Variants in FBXO3 observed in about 807,000 individuals in gnomAD.
FBXO3 encodes F-box only protein 3.
Under a neutral mutation model 64.8 loss-of-function variants are expected in FBXO3, and 17 were observed. The ratio of observed to expected loss-of-function variants is 0.26; its 90% CI spans 0.18 to 0.39. The LOEUF (loss-of-function observed/expected upper bound fraction) is 0.39. FBXO3 is among the 10% of genes least tolerant of loss of function. The pLI is 1.00. For missense variants in FBXO3, 420 were observed against 589.9 expected (o/e 0.71, Z 2.98); for synonymous variants, 182 against 201.6 (o/e 0.90, Z 0.82).
intron 6 of FBXO3, chr11:33,754,043 T>C (rs180961459): frequency 4.0e-4 from 62 of 155,140 alleles, no homozygotes; most frequent in African/African-American, 1.4e-3. Context: ...AGGTCTCTAA[T>C]GTGACTTAGT....
At chr11:33,762,530 C>A (rs918815777) in intron 3 of FBXO3, among the ~76,000 whole-genome samples, 1 of 151,884 alleles carries the variant, frequency 6.6e-6, no homozygotes, top group Non-Finnish European at 1.5e-5. Context: ...TTAAGTAATA[C>A]ACTTCTATAT....
intron 3 of FBXO3, 95 bp downstream of exon 3, chr11:33,768,756 A>G (rs1157866541): frequency 4.9e-6 from 7 of 1,437,382 alleles, no homozygotes; most frequent in Non-Finnish European, 6.9e-6. Context: ...GGGTTAACAC[A>G]GTTGCGTAGA....
At position 33,757,203 on chromosome 11, in the gene FBXO3, G is replaced by A. The variant is rs565864815; in HGVS notation, c.474-1228C>T. Among the ~76,000 whole-genome samples, 124 of 152,136 alleles carry A rather than the reference G, an allele frequency of 8.2e-4. 1 individual carries two copies. Among genetic ancestry groups the A allele is most frequent in the Non-Finnish European group, 1.5e-3 (100 of 68,014 alleles). On this transcript the variant is annotated intron_variant, in intron 4 of 10. Coordinates refer to ENST00000265651, the MANE Select transcript of FBXO3 (RefSeq NM_012175.4). The stretch of plus-strand genomic sequence containing the variant: ...CAAAGTTCTCCTTAAATTCTTATTA[G>A]CATTTCACAAGCACAATGTCTCTGA...
rs926507977 is a variant in FBXO3, at chr11:33,748,722, G to A, written c.1048+55C>T. The A allele has an allele frequency of 1.3e-5, 15 of 1,123,800 alleles. No homozygotes were observed. The African/African-American group carries it at 2.3e-4, about 17-fold the overall frequency. The allele number at this position is 1,123,800 out of a possible 1,614,324, so 69.6% of individuals were successfully genotyped here. Reference sequence around the variant, plus strand: ...TTATATGTTATATTTAGGATGCAAAGTCTAACATTTCTTCTAAGGAATTAA... The same window carrying A: ...TTATATGTTATATTTAGGATGCAAAATCTAACATTTCTTCTAAGGAATTAA... On this transcript the variant is annotated intron_variant, in intron 9 of 10. Transcript: ENST00000265651.
rs772593209 is a variant in FBXO3 at position 33,750,630 on chromosome 11, T to C, written c.841A>G (p.Thr281Ala). ...GAAACTGACACAGTAATATCCCCAG[T>C]TGTTGCTACACATTCTGGATCGTGA... ...YVHDPECVAT[T>A]GDITVSVSTS... The change falls in exon 8 of 11, where the codon ACT becomes GCT. Residue 281 changes from threonine to alanine, a missense_variant. Physicochemically the swap from Thr to Ala is moderately conservative, Grantham distance 58 (BLOSUM62 0). Transcript: ENST00000265651. The C allele has an allele frequency of 5.6e-6, 9 of 1,613,536 alleles. No individual in the cohort carries two copies. Among genetic ancestry groups the C allele is most frequent in the Admixed American group, 1.7e-5 (1 of 59,980 alleles).
chr11:33,768,990 C>T lies in FBXO3; in HGVS notation c.219G>A (p.Gln73=). The T allele has an allele frequency of 6.2e-7, 1 of 1,611,900 alleles. No homozygotes were observed. Among genetic ancestry groups the T allele is most frequent in the South Asian group, 1.1e-5 (1 of 90,506 alleles). The part of the protein sequence containing the change: ...ISEEEKTQKN[Q]CWKSLFIDTY... The stretch of plus-strand genomic sequence containing the variant: ...TATCTATGAAGAGAGATTTCCAACA[C>T]TGATTCTTCTGTGTTTTCTCTTCCC... Residue 73 remains glutamine, a synonymous_variant, in exon 3 of 11, where the codon CAG becomes CAA. Transcript: ENST00000265651.
At chr11:33,769,265 A>G (rs1320877925) in intron 2 of FBXO3, among the ~76,000 whole-genome samples, 2 of 152,098 alleles carry the variant, frequency 1.3e-5, no homozygotes, top group Admixed American at 6.5e-5. Context: ...CAGTTTTCTA[A>G]TCTTTAATAA....
At chr11:33,774,189 G>A in intron 1 of FBXO3, 1 of 541,834 alleles carries the variant, frequency 1.8e-6, no homozygotes. Context: ...CTGGGCCCAG[G>A]ACAGGAGGAA....
chr11:33,742,922 T>C (rs1432365113), intron 10 of FBXO3: 2 of 152,256 alleles, frequency 1.3e-5, no homozygotes, highest in Non-Finnish European at 2.9e-5. Context: ...AGTCCGATGG[T>C]AGCTGGAACT....
chr11:33,772,968 C>T (rs954842190), intron 1 of FBXO3: 4 of 146,794 alleles, frequency 2.7e-5, no homozygotes, highest in Non-Finnish European at 4.5e-5. Context: ...GCATTCCAGG[C>T]AAGGTCGAGA....
At chr11:33,750,826 A>ATT (rs1292580394) in intron 7 of FBXO3, among the ~76,000 whole-genome samples, 165 bp from the exon 8 acceptor site, 2 of 152,216 alleles carry the variant, frequency 1.3e-5, no homozygotes, top group Non-Finnish European at 2.9e-5. Flanking sequence ...GGAAACTAGA[A>ATT]ACAAACTACA....
intron 1 of FBXO3, 72 bp downstream of exon 1, chr11:33,774,322 A>T: frequency 8.1e-7 from 1 of 1,237,088 alleles, no homozygotes; most frequent in Non-Finnish European, 1.1e-6. Flanking sequence ...AGCGGCCCCG[A>T]CCCCCTTTCC....
In FBXO3 at chr11:33,770,619, C is replaced by A. The variant is rs1009733378; in HGVS notation, c.194+122G>T. On this transcript the variant is annotated intron_variant, in intron 2 of 10. Coordinates refer to ENST00000265651, the MANE Select transcript of FBXO3 (RefSeq NM_012175.4). ...GCAAATACCAACATTTACTAGCAGG[C>A]ACGAGAAGAGCCACCAAAGGAGATA... 12 of 675,792 alleles carry A rather than the reference C, an allele frequency of 1.8e-5. 1 individual carries two copies. In the South Asian group the frequency reaches 2.2e-4, roughly 13 times the overall value. The allele number at this position is 675,792 out of a possible 1,614,324, so 41.9% of individuals were successfully genotyped here. A position where few individuals can be genotyped will look rare whatever the true frequency, so the allele number is the denominator to read the frequency against.
chr11:33,745,896 G>A (rs2133592457), intron 10 of FBXO3: 1 of 152,168 alleles, frequency 6.6e-6, no homozygotes, highest in East Asian at 1.9e-4. Context: ...ATGAACAAAA[G>A]AGAAGATATA....
chr11:33,762,409 T>C (rs1320548906), intron 3 of FBXO3, among the ~76,000 whole-genome samples: 1 of 152,226 alleles, frequency 6.6e-6, no homozygotes, highest in Non-Finnish European at 1.5e-5. Context: ...GAATAAGTCC[T>C]AACAAATTTT....
At position 33,768,902 on chromosome 11, in the gene FBXO3, G is replaced by A; in HGVS notation, c.307C>T (p.Leu103Phe). 6.2e-7 allele frequency: 1 copy of A among 1,614,112 alleles called. No homozygotes were observed. The highest frequency in any genetic ancestry group is 8.5e-7 in the Non-Finnish European group (1 of 1,179,970). The change falls in exon 3 of 11, where the codon CTC (leucine) becomes TTC (phenylalanine). Residue 103 changes from leucine (L) to phenylalanine (F), a missense_variant. Around this residue, in one of 3 missense-constraint regions of FBXO3, gnomAD observed 337 missense variants for 518.4 expected, o/e 0.65. Transcript: ENST00000265651. ...CACCTGGGCTCCAAATATTTCTTGA[G>A]ATCATCCCAGGCCTTTTTAATAGCA... Reference protein sequence around the residue: ...YAAIKKAWDDLKKYLEPRCPR... With the variant: ...YAAIKKAWDDFKKYLEPRCPR...
At position 33,754,514 on chromosome 11, in the gene FBXO3, A is replaced by G; in HGVS notation, c.679-14T>C. 6.4e-7 allele frequency: 1 copy of G among 1,560,288 alleles called. No homozygotes were observed. The highest frequency in any genetic ancestry group is 1.2e-5 in the South Asian group (1 of 80,596). On this transcript the variant is annotated splice_polypyrimidine_tract_variant and intron_variant, in intron 5 of 10. Coordinates refer to ENST00000265651, the MANE Select transcript of FBXO3 (RefSeq NM_012175.4). ...AGCCATTTGGTCCTAGGTGAGAAAA[A>G]GAATACAATCGATAAAAACACATTT... is the stretch of plus-strand genomic sequence containing the variant.
chr11:33,757,695 G>A (rs200399050), intron 4 of FBXO3, among the ~76,000 whole-genome samples: 2 of 104,174 alleles, frequency 1.9e-5, no homozygotes, highest in Non-Finnish European at 2.0e-5. Context: ...TGGGTGGTTT[G>A]CATCTGTAAT....
At chr11:33,744,661 A>G (rs752026238) in intron 10 of FBXO3, 21 of 152,338 alleles carry the variant, frequency 1.4e-4, no homozygotes, top group Non-Finnish European at 2.4e-4. Flanking sequence ...CATCCTTGAG[A>G]GAAAACATTT....
Sources: gnomAD v4.1 joint callset for allele counts (sites outside exome capture counted in the v4.1 genomes callset) on GRCh38, gnomAD v4.1.1 for gene constraint, gnomAD v4.1.1 regional missense constraint, MANE v1.5 for transcripts, NCBI Gene and HGNC (gene_info 2026-07-23, HGNC 2026-07-21) for gene names.